TSPAN7: variants seen among roughly 807,000 people sequenced by gnomAD.
The protein encoded by TSPAN7 is tetraspanin-7.
In TSPAN7, 1 loss-of-function variant was observed where a neutral mutation model predicts 17.6. The ratio of observed to expected loss-of-function variants is 0.06; its 90% CI spans 0.02 to 0.27. TSPAN7 has a LOEUF of 0.27. Ranked by LOEUF, TSPAN7 falls within the 10% of genes least tolerant of loss-of-function variation. The pLI is 1.00. For synonymous variants in TSPAN7, 78 were observed against 79.0 expected, an observed-to-expected ratio of 0.99 and a Z score of 0.07; for missense variants, 112 against 201.7, an observed-to-expected ratio of 0.56 and a Z score of 2.69.
intron 1 of TSPAN7, among the ~76,000 whole-genome samples, chrX:38,642,455 A>T (rs147804624): frequency 0.039 from 4,415 of 111,916 alleles, 223 homozygotes; most frequent in African/African-American, 0.14. Context: ...ATCTAGTTGG[A>T]GAGCAAAGAC....
intron 7 of TSPAN7, 35 bp downstream of exon 7, chrX:38,687,709 G>T: frequency 1.7e-6 from 2 of 1,150,798 alleles, no homozygotes; most frequent in East Asian, 3.0e-5. Flanking sequence ...ATTTTGAGGG[G>T]TCCCCTTTGG....
At chrX:38,678,260 C>T (rs1160968459) in intron 5 of TSPAN7, among the ~76,000 whole-genome samples, 1 of 112,043 alleles carries the variant, frequency 8.9e-6, no homozygotes, top group Non-Finnish European at 1.9e-5. Flanking sequence ...AACATAGTTA[C>T]TTTGCTTGGC....
At chrX:38,641,039 G>A (rs896233808) in intron 1 of TSPAN7, among the ~76,000 whole-genome samples, 1 of 112,586 alleles carries the variant, frequency 8.9e-6, no homozygotes, top group Non-Finnish European at 1.9e-5. Flanking sequence ...ATTCATGGGA[G>A]CTGGGTTTTG....
At chrX:38,630,373 A>ATT (rs2069543379) in intron 1 of TSPAN7, among the ~76,000 whole-genome samples, 1 of 112,057 alleles carries the variant, frequency 8.9e-6, no homozygotes, top group Non-Finnish European at 1.9e-5. Flanking sequence ...ATACACAGAT[A>ATT]TTTCCTAACA....
intron 1 of TSPAN7, among the ~76,000 whole-genome samples, chrX:38,614,567 A>G (rs2069442563): frequency 8.9e-6 from 1 of 112,615 alleles, no homozygotes; most frequent in Non-Finnish European, 1.9e-5. Flanking sequence ...ACTTTGAAGG[A>G]GAAAACTATT....
Position 38,671,381 on chromosome X carries a change from C to T in TSPAN7, c.276C>T (p.Ala92=). 8.3e-7 allele frequency: 1 copy of T among 1,210,881 alleles called. No individual in the cohort carries two copies. Among genetic ancestry groups the T allele is most frequent in the Non-Finnish European group, 1.1e-6 (1 of 894,981 alleles). ...TTTGTGTGCTTAATTTTCAGTATGC[C>T]ATGTTTCTGTCCCTGGTGTTCCTGG... ...RGSPWMLKLY[A]MFLSLVFLAE... is the part of the protein sequence containing the mutation. Residue 92 remains alanine (A), a synonymous_variant, in exon 3 of 8, where the codon GCC becomes GCT. Transcript: ENST00000378482.
At chrX:38,654,815 A>G (rs1427005089) in intron 1 of TSPAN7, among the ~76,000 whole-genome samples, 2 of 112,467 alleles carry the variant, frequency 1.8e-5, no homozygotes, top group African/African-American at 6.5e-5. Context: ...TAGTATACAA[A>G]GGTGATAGGT....
At chrX:38,678,733 C>A (rs1025523008) in intron 5 of TSPAN7, among the ~76,000 whole-genome samples, 1 of 112,411 alleles carries the variant, frequency 8.9e-6, no homozygotes, top group Non-Finnish European at 1.9e-5. Flanking sequence ...TATATCTTCT[C>A]ATTTTAATTA....
At chrX:38,564,963 A>G (rs781364679) in intron 1 of TSPAN7, among the ~76,000 whole-genome samples, 1 of 109,378 alleles carries the variant, frequency 9.1e-6, no homozygotes, top group East Asian at 2.9e-4. Context: ...GTTTATTTTT[A>G]TGAAGTCCAG....
intron 1 of TSPAN7, among the ~76,000 whole-genome samples, chrX:38,599,113 G>C (rs2069332622): frequency 9.0e-6 from 1 of 111,399 alleles, no homozygotes; most frequent in Non-Finnish European, 1.9e-5. Context: ...TGCATGACAG[G>C]AATATATCAA....
At chrX:38,682,269 A>G (rs1391187110) in intron 6 of TSPAN7, among the ~76,000 whole-genome samples, 1 of 112,246 alleles carries the variant, frequency 8.9e-6, no homozygotes, top group Non-Finnish European at 1.9e-5. Flanking sequence ...TCAGACTCTA[A>G]TTACTTTTTC....
intron 1 of TSPAN7, among the ~76,000 whole-genome samples, chrX:38,571,303 A>G (rs138931607): frequency 1.2e-3 from 136 of 111,348 alleles, no homozygotes; most frequent in African/African-American, 4.2e-3. Flanking sequence ...AAGGGGCCCT[A>G]AAGAAGATAC....
At chrX:38,683,160 C>T (rs1303458104) in intron 6 of TSPAN7, among the ~76,000 whole-genome samples, 1 of 111,823 alleles carries the variant, frequency 8.9e-6, no homozygotes. Flanking sequence ...AAGAATATTC[C>T]CATGTGGCCA....
intron 4 of TSPAN7, among the ~76,000 whole-genome samples, chrX:38,674,588 C>G (rs747193481): frequency 5.4e-5 from 6 of 111,732 alleles, no homozygotes; most frequent in African/African-American, 1.6e-4. Flanking sequence ...AGATCTGAAC[C>G]CTTGTGAAGG....
At chrX:38,666,852 G>A (rs958396844) in intron 2 of TSPAN7, among the ~76,000 whole-genome samples, 44 of 110,984 alleles carry the variant, frequency 4.0e-4, no homozygotes, top group African/African-American at 1.2e-3. Context: ...CACCTGCCTC[G>A]GCCTCCCAAA....
At chrX:38,572,730 C>T (rs900778510) in intron 1 of TSPAN7, among the ~76,000 whole-genome samples, 2 of 111,248 alleles carry the variant, frequency 1.8e-5, no homozygotes, top group Admixed American at 1.9e-4. Flanking sequence ...AAAAGGAACC[C>T]AAAGCTTGAT....
At chrX:38,606,741 C>A (rs1174903295) in intron 1 of TSPAN7, among the ~76,000 whole-genome samples, 1 of 112,017 alleles carries the variant, frequency 8.9e-6, no homozygotes, top group Non-Finnish European at 1.9e-5. Flanking sequence ...GGAGCTTGAA[C>A]TTTTTTCCAG....
chrX:38,602,979 G>A (rs1200642090), intron 1 of TSPAN7, among the ~76,000 whole-genome samples: 1 of 112,013 alleles, frequency 8.9e-6, no homozygotes, highest in Non-Finnish European at 1.9e-5. Context: ...AAGCAAAAAA[G>A]TGGATGTTAC....
chrX:38,671,942 G>C (rs1279023159), intron 3 of TSPAN7, among the ~76,000 whole-genome samples: 1 of 111,155 alleles, frequency 9.0e-6, no homozygotes, highest in Non-Finnish European at 1.9e-5. Context: ...CAGCTACTTA[G>C]GAGGCTGAGG....
Sources: gnomAD v4.1 joint callset for allele counts (sites outside exome capture counted in the v4.1 genomes callset) on GRCh38, gnomAD v4.1.1 for gene constraint, MANE v1.5 for transcripts, NCBI Gene and HGNC (gene_info 2026-07-23, HGNC 2026-07-21) for gene names.